Variants in KCTD13 observed in about 807,000 individuals in gnomAD.
KCTD13 encodes potassium channel tetramerization domain containing 13.
A neutral mutation model predicts 32.3 loss-of-function variants in KCTD13; 15 were observed. The ratio of observed to expected loss-of-function variants is 0.46; its 90% CI spans 0.31 to 0.71. The LOEUF (loss-of-function observed/expected upper bound fraction) is 0.71, where lower values mean the gene tolerates loss of function less well. Among genes scored for constraint, KCTD13 ranks in the 30% least tolerant of loss-of-function variants. The pLI is 0.05. For synonymous variants in KCTD13, 189 were observed against 200.1 expected (o/e 0.94, Z 0.47); for missense variants, 337 against 452.6 (o/e 0.74, Z 2.32).
Position 29,906,955 on chromosome 16 carries a change from G to T in KCTD13, c.907C>A (p.His303Asn), listed in dbSNP as rs779071828. The T allele has an allele frequency of 1.9e-6, 3 of 1,614,170 alleles. No homozygotes were observed. The African/African-American group carries it at 4.0e-5, about 22-fold the overall frequency. The stretch of plus-strand genomic sequence containing the variant: ...CGGACATGGATCCTGCGGACACGGT[G>T]CTCTCGGTTCTCTTCATCCTCCCCG... The part of the protein sequence containing the change: ...GRGEDEENRE[H>N]RVRRIHVRRH... The change falls in exon 6 of 6, where the codon CAC becomes AAC. Residue 303 changes from histidine (H) to asparagine (N), a missense_variant. His to Asn is a moderately conservative substitution (Grantham distance 68). This residue lies in a region of KCTD13 where 252 missense variants were observed against 340.2 expected (regional missense o/e 0.74). Transcript: ENST00000568000.
intron 4 of KCTD13, chr16:29,911,603 C>T (rs963716122): frequency 1.7e-6 from 1 of 604,278 alleles, no homozygotes; most frequent in Non-Finnish European, 2.9e-6. Context: ...TCACTTTGTC[C>T]TCACCCAAAC....
intron 2 of KCTD13, chr16:29,922,895 T>A (rs1240599811): frequency 2.2e-6 from 1 of 448,856 alleles, no homozygotes; most frequent in Admixed American, 3.8e-5. Context: ...TAGATCGGGG[T>A]TGTGCTGAAA....
intron 5 of KCTD13, among the ~76,000 whole-genome samples, chr16:29,910,509 C>T (rs1023010924): frequency 5.9e-5 from 9 of 152,046 alleles, no homozygotes; most frequent in Non-Finnish European, 1.2e-4. Context: ...GTCACCAAGC[C>T]ACCACACCTG....
chr16:29,910,345 C>T (rs917387124), intron 5 of KCTD13, among the ~76,000 whole-genome samples: 7 of 151,984 alleles, frequency 4.6e-5, no homozygotes, highest in East Asian at 3.9e-4. Context: ...TTGCGGTGAG[C>T]GGAGATTGTG....
chr16:29,925,605 G>A (rs1207424897), intron 1 of KCTD13, 185 bp downstream of exon 1: 2 of 631,932 alleles, frequency 3.2e-6, no homozygotes, highest in East Asian at 5.5e-5. Context: ...ATTGGGGGAG[G>A]AGAAGAGAAA....
chr16:29,910,948 C>A (rs1339936331), intron 5 of KCTD13, 30 bp downstream of exon 5: 1 of 1,596,400 alleles, frequency 6.3e-7, no homozygotes, highest in East Asian at 2.2e-5. Context: ...CACCCCCAGC[C>A]CCCAACATAG....
chr16:29,919,901 T>G (rs1352714242), intron 2 of KCTD13: 1 of 152,218 alleles, frequency 6.6e-6, no homozygotes, highest in East Asian at 1.9e-4. Context: ...ATCAAGGATT[T>G]CCATTCAATG....
At chr16:29,911,309 C>T (rs1298382315) in intron 4 of KCTD13, 136 bp from the exon 5 acceptor site, 1 of 688,490 alleles carries the variant, frequency 1.5e-6, no homozygotes, top group Non-Finnish European at 2.4e-6. Flanking sequence ...GCCTCCTCCA[C>T]CCCTGGGGCC....
At chr16:29,915,424 G>C (rs1285235994) in intron 2 of KCTD13, 4 of 152,066 alleles carry the variant, frequency 2.6e-5, no homozygotes, top group Non-Finnish European at 5.9e-5. Flanking sequence ...GGCCGAGGTG[G>C]GTGGATCACC....
chr16:29,906,348 T>C lies in KCTD13; in HGVS notation c.*524A>G, dbSNP rs2068611915. ...CAGGAGCCAGCACCAGTTTCTCAAC[T>C]TAACTTTATTTCAATAATTTAATAG... On this transcript the variant is annotated 3_prime_UTR_variant, in exon 6 of 6. Coordinates refer to ENST00000568000, the MANE Select transcript of KCTD13 (RefSeq NM_178863.5). The C allele has an allele frequency of 3.9e-5, 8 of 204,470 alleles. 1 individual carries two copies. In the South Asian group the frequency reaches 4.4e-4, roughly 11 times the overall value. 12.7% of individuals were successfully genotyped at this position (204,470 alleles called of 1,614,324 possible). A position where few individuals can be genotyped will look rare whatever the true frequency, so the allele number is the denominator to read the frequency against.
At chr16:29,918,942 G>A (rs1476394595) in intron 2 of KCTD13, among the ~76,000 whole-genome samples, 1 of 152,154 alleles carries the variant, frequency 6.6e-6, no homozygotes, top group African/African-American at 2.4e-5. Flanking sequence ...ACAGGCATGA[G>A]CCACCGCACC....
rs2068939146 is a variant in KCTD13, at chr16:29,923,056, T to G, written c.414+134A>C. On this transcript the variant is annotated intron_variant, in intron 2 of 5. Coordinates refer to ENST00000568000, the MANE Select transcript of KCTD13 (RefSeq NM_178863.5). ...CGGCAGGGATGCAGAAGATGGCACC[T>G]CAAATTCTCTGGGGTTATGGCCAGC... 4 of 984,268 alleles carry G rather than the reference T, an allele frequency of 4.1e-6. No individual in the cohort carries two copies. In the South Asian group the frequency reaches 7.0e-5, roughly 17 times the overall value. 61.0% of individuals were successfully genotyped at this position (984,268 alleles called of 1,614,324 possible).
intron 5 of KCTD13, among the ~76,000 whole-genome samples, 169 bp downstream of exon 5, chr16:29,910,809 C>T (rs534177322): frequency 4.3e-4 from 65 of 152,314 alleles, no homozygotes; most frequent in African/African-American, 1.4e-3. Flanking sequence ...CACAGAGAAA[C>T]AGAGACCCAC....
At chr16:29,910,830 TG>T in intron 5 of KCTD13, 147 bp downstream of exon 5, 1 of 650,360 alleles carries the variant, frequency 1.5e-6, no homozygotes, top group South Asian at 1.9e-5. Context: ...AGGGATAGGG[TG>T]GCTTGCCCAC....
rs902461262 is a variant in KCTD13 at position 29,921,727 on chromosome 16, T to TG, written c.414+1462dup. 5.3e-5 allele frequency: 8 copies of TG among 152,102 alleles called. No homozygotes were observed. In the East Asian group the frequency reaches 5.8e-4, roughly 11 times the overall value. 9.4% of individuals were successfully genotyped at this position (152,102 alleles called of 1,614,324 possible). A position where few individuals can be genotyped will look rare whatever the true frequency, so the allele number is the denominator to read the frequency against. On this transcript the variant is annotated intron_variant, in intron 2 of 5. Coordinates refer to ENST00000568000, the MANE Select transcript of KCTD13 (RefSeq NM_178863.5). ...GCTCACGCCTGTAATCCCAGCACTT[T>TG]GGGGGGCCAAGGCGGATGGATCACG...
intron 2 of KCTD13, chr16:29,914,911 G>T (rs1199938413): frequency 1.3e-5 from 2 of 152,114 alleles, no homozygotes; most frequent in Non-Finnish European, 2.9e-5. Context: ...GGAGGCCAAG[G>T]TGGGAGGATT....
At position 29,925,901 on chromosome 16, in the gene KCTD13, G is replaced by A; in HGVS notation, c.133C>T (p.Leu45=). The A allele has an allele frequency of 3.1e-6, 5 of 1,614,072 alleles. No individual in the cohort carries two copies. The highest frequency in any genetic ancestry group is 4.2e-6 in the Non-Finnish European group (5 of 1,179,974). ...PLTPNSKYVK[L]NVGGSLHYTT... ...TAGTGCAACGAGCCGCCCACGTTCAGCTTCACGTATTTGCTGTTCGGGGTC... is the reference window on the plus strand; with the variant it reads ...TAGTGCAACGAGCCGCCCACGTTCAACTTCACGTATTTGCTGTTCGGGGTC... Residue 45 remains leucine (L), a synonymous_variant, in exon 1 of 6, where the codon CTG becomes TTG. Coordinates refer to ENST00000568000, the MANE Select transcript of KCTD13 (RefSeq NM_178863.5).
intron 1 of KCTD13, 56 bp downstream of exon 1, chr16:29,925,734 C>T (rs2068983532): frequency 7.2e-7 from 1 of 1,380,990 alleles, no homozygotes; most frequent in Middle Eastern, 2.1e-4. Flanking sequence ...TGAGAGACTG[C>T]GGGGAACGGG....
intron 2 of KCTD13, among the ~76,000 whole-genome samples, chr16:29,915,548 A>C (rs1014745836): frequency 6.6e-6 from 1 of 151,664 alleles, no homozygotes; most frequent in African/African-American, 2.4e-5. Context: ...GCTACTCAGG[A>C]GGCTGAGACA....
Sources: gnomAD v4.1 joint callset for allele counts (sites outside exome capture counted in the v4.1 genomes callset) on GRCh38, gnomAD v4.1.1 for gene constraint, gnomAD v4.1.1 regional missense constraint, MANE v1.5 for transcripts, NCBI Gene and HGNC (gene_info 2026-07-23, HGNC 2026-07-21) for gene names.